The following TET2 variants were observed in gnomAD, a reference collection of about 807,000 sequenced individuals.
The protein encoded by TET2 is methylcytosine dioxygenase TET2.
In TET2, 299 loss-of-function variants were observed where a neutral mutation model predicts 142.9. The ratio of observed to expected loss-of-function variants is 2.09; its 90% CI spans 1.90 to 2.30. The LOEUF (loss-of-function observed/expected upper bound fraction) is 2.30, where lower values mean the gene tolerates loss of function less well. Among genes scored for constraint, TET2 ranks in the 30% most tolerant of loss-of-function variants. The pLI, the probability that TET2 is intolerant of heterozygous loss-of-function variation, is 0.00. For synonymous variants in TET2, 819 were observed against 849.0 expected, an observed-to-expected ratio of 0.96 and a Z score of 0.61; for missense variants, 2,418 against 2,378.0, an observed-to-expected ratio of 1.02 and a Z score of -0.35.
At chr4:105,252,832 A>G (rs766617844) in intron 6 of TET2, among the ~76,000 whole-genome samples, 1 of 152,164 alleles carries the variant, frequency 6.6e-6, no homozygotes, top group Non-Finnish European at 1.5e-5. Context: ...GACTATGTAT[A>G]GATTCACTTG....
intron 3 of TET2, chr4:105,237,614 T>C: frequency 2.1e-6 from 3 of 1,454,784 alleles, no homozygotes; most frequent in South Asian, 3.0e-5. Flanking sequence ...TCCTGTAAAA[T>C]TTGAATGTAT....
intron 2 of TET2, among the ~76,000 whole-genome samples, chr4:105,214,422 T>C (rs1036168601): frequency 6.9e-6 from 1 of 145,434 alleles, no homozygotes; most frequent in African/African-American, 2.5e-5. Flanking sequence ...TCCTCCCATC[T>C]CAGCCTCCCA....
chr4:105,219,233 G>A (rs1302712478), intron 2 of TET2, among the ~76,000 whole-genome samples: 16 of 151,984 alleles, frequency 1.1e-4, no homozygotes, highest in Admixed American at 2.6e-4. Context: ...AAAAATAACC[G>A]TAATATCCTA....
intron 4 of TET2, chr4:105,242,432 A>G: frequency 9.2e-7 from 1 of 1,088,296 alleles, no homozygotes; most frequent in African/African-American, 1.6e-5. Flanking sequence ...TCTTGGAGGA[A>G]CAGTTCTAAC....
At chr4:105,242,514 G>C in intron 4 of TET2, 1 of 1,123,840 alleles carries the variant, frequency 8.9e-7, no homozygotes, top group Non-Finnish European at 1.1e-6. Flanking sequence ...TTATGTTTTA[G>C]AAGACTGAAC....
At chr4:105,214,240 C>G (rs377314105) in intron 2 of TET2, among the ~76,000 whole-genome samples, 8 of 150,420 alleles carry the variant, frequency 5.3e-5, no homozygotes, top group African/African-American at 1.5e-4. Context: ...TGTTGGACCT[C>G]GGGGCAGGCC....
Position 105,272,612 on chromosome 4 carries a change from G to A in TET2, c.4231G>A (p.Glu1411Lys), listed in dbSNP as rs1731018563. 2.6e-6 allele frequency: 4 copies of A among 1,549,804 alleles called. No homozygotes were observed. Among genetic ancestry groups the A allele is most frequent in the Non-Finnish European group, 3.5e-6 (4 of 1,146,464 alleles). ...EDNREFGGKP[E>K]DEQLHVLPLY... ...CAATCGAGAATTTGGAGGAAAACCT[G>A]AGGATGAGCAGCTTCACGTTCTGCC... is the stretch of plus-strand genomic sequence containing the variant. The change falls in exon 10 of 11, where the codon GAG becomes AAG. Residue 1411 changes from glutamate to lysine, a missense_variant. Coordinates refer to ENST00000380013, the MANE Select transcript of TET2 (RefSeq NM_001127208.3).
Position 105,225,106 on chromosome 4 carries a change from T to C in TET2, c.-46-8791T>C, listed in dbSNP as rs145506148. On this transcript the variant is annotated intron_variant, in intron 2 of 10. Coordinates refer to ENST00000380013, the MANE Select transcript of TET2 (RefSeq NM_001127208.3). ...TAACTTTAGCATTATGTTTTGTTCA[T>C]TCTTAAAGTTTAATTCACTTTGTTG... is the stretch of plus-strand genomic sequence containing the variant. 8.0e-4 allele frequency among the ~76,000 whole-genome samples: 122 copies of C among 152,172 alleles called. 1 individual carries two copies. The East Asian group carries it at 0.02, about 24-fold the overall frequency.
intron 1 of TET2, among the ~76,000 whole-genome samples, chr4:105,165,466 A>C (rs1724104534): frequency 6.6e-6 from 1 of 152,218 alleles, no homozygotes; most frequent in South Asian, 2.1e-4. Context: ...AGTGTCATGA[A>C]ATTTTAGGCC....
At position 105,276,557 on chromosome 4, in the gene TET2, C is replaced by A. The variant is rs989064765; in HGVS notation, c.*38C>A. 9.8e-6 allele frequency: 15 copies of A among 1,524,260 alleles called. No homozygotes were observed. The highest frequency in any genetic ancestry group is 1.2e-5 in the Non-Finnish European group (14 of 1,132,116). The allele number at this position is 1,524,260 out of a possible 1,614,324, so 94.4% of individuals were successfully genotyped here. A position where few individuals can be genotyped will look rare whatever the true frequency, so the allele number is the denominator to read the frequency against. ...TTGTTGGTTACCTCACTTGAAAAGACCACAACCAACCTGTCAGTAGTATAG... is the reference window on the plus strand; with the variant it reads ...TTGTTGGTTACCTCACTTGAAAAGAACACAACCAACCTGTCAGTAGTATAG... On this transcript the variant is annotated 3_prime_UTR_variant, in exon 11 of 11. Coordinates refer to ENST00000380013, the MANE Select transcript of TET2 (RefSeq NM_001127208.3).
intron 1 of TET2, among the ~76,000 whole-genome samples, chr4:105,162,617 A>G (rs967790639): frequency 1.3e-5 from 2 of 152,214 alleles, no homozygotes; most frequent in African/African-American, 4.8e-5. Flanking sequence ...TTCATAACCA[A>G]GCTGACTCAA....
At chr4:105,186,909 G>A (rs1725489268) in intron 1 of TET2, among the ~76,000 whole-genome samples, 2 of 152,202 alleles carry the variant, frequency 1.3e-5, no homozygotes, top group South Asian at 2.1e-4. Context: ...ATTGGCTACT[G>A]AGGAACTATA....
In TET2 at chr4:105,269,691, G is replaced by C. The variant is rs1256768074; in HGVS notation, c.4126G>C (p.Asp1376His). ...RPFSGVTACL[D>H]FCAHAHRDLH... is the part of the protein sequence containing the mutation. ...ATTCTCAGGGGTCACTGCATGTTTG[G>C]ACTTCTGTGCTCATGCCCACAGAGA... Residue 1376 changes from aspartate to histidine, a missense_variant, in exon 9 of 11, where the codon GAC becomes CAC. Coordinates refer to ENST00000380013, the MANE Select transcript of TET2 (RefSeq NM_001127208.3). 1 of 1,551,634 alleles carries C rather than the reference G, an allele frequency of 6.4e-7. No homozygotes were observed. Among genetic ancestry groups the C allele is most frequent in the Non-Finnish European group, 8.7e-7 (1 of 1,146,946 alleles).
chr4:105,275,434 T>A lies in TET2; in HGVS notation c.4924T>A (p.Cys1642Ser). 6.4e-7 allele frequency: 1 copy of A among 1,551,638 alleles called. No individual in the cohort carries two copies. The highest frequency in any genetic ancestry group is 8.7e-7 in the Non-Finnish European group (1 of 1,146,974). Residue 1642 changes from cysteine (C) to serine (S), a missense_variant, in exon 11 of 11, where the codon TGC becomes AGC. Coordinates refer to ENST00000380013, the MANE Select transcript of TET2 (RefSeq NM_001127208.3). ...QCNGNLSVDN[C>S]SPYLGSYSPQ... The stretch of plus-strand genomic sequence containing the variant: ...CAATGGAAACCTATCAGTGGACAAC[T>A]GCTCCCCATATCTGGGTTCCTATTC...
At chr4:105,188,832 G>A (rs764816558) in intron 1 of TET2, among the ~76,000 whole-genome samples, 14 of 152,110 alleles carry the variant, frequency 9.2e-5, no homozygotes, top group Non-Finnish European at 1.9e-4. Context: ...GTTGATTAGT[G>A]GTCACCAAGG....
chr4:105,236,763 C>T lies in TET2; in HGVS notation c.2821C>T (p.Pro941Ser), dbSNP rs532738858. 4.3e-6 allele frequency: 7 copies of T among 1,614,054 alleles called. No individual in the cohort carries two copies. Among genetic ancestry groups the T allele is most frequent in the African/African-American group, 4.0e-5 (3 of 75,016 alleles). ...CCAGGGAGGAAGTCACACTCAGACC[C>T]CTCCCCAGAAGGACACTCAAAAGCA... Reference protein sequence around the residue: ...PDQGGSHTQTPPQKDTQKHAA... With the variant: ...PDQGGSHTQTSPQKDTQKHAA... The change falls in exon 3 of 11, where the codon CCT becomes TCT. Residue 941 changes from proline to serine, a missense_variant. By Grantham distance (74) the Pro-to-Ser change is moderately conservative. Coordinates refer to ENST00000380013, the MANE Select transcript of TET2 (RefSeq NM_001127208.3).
intron 8 of TET2, among the ~76,000 whole-genome samples, chr4:105,268,309 T>C (rs1365314202): frequency 6.6e-6 from 1 of 152,056 alleles, no homozygotes; most frequent in Non-Finnish European, 1.5e-5. Context: ...CATCAAAATA[T>C]AAAATTCTTA....
intron 6 of TET2, 137 bp downstream of exon 6, chr4:105,243,915 C>G (rs999666756): frequency 2.8e-6 from 2 of 717,186 alleles, no homozygotes; most frequent in Admixed American, 4.9e-5. Context: ...GGCAGTCATG[C>G]GATAAGAAGT....
intron 1 of TET2, among the ~76,000 whole-genome samples, chr4:105,185,438 T>C (rs1157319679): frequency 3.3e-5 from 5 of 152,240 alleles, no homozygotes; most frequent in Non-Finnish European, 7.3e-5. Context: ...GTCTTTTTTT[T>C]CTAAATCTAT....
Sources: allele counts gnomAD v4.1 joint callset (sites outside exome capture counted in the v4.1 genomes callset), GRCh38; gene constraint gnomAD v4.1.1; transcripts MANE v1.5; gene names NCBI Gene and HGNC (gene_info 2026-07-23, HGNC 2026-07-21).